ARRB1: variants seen among roughly 807,000 people sequenced by gnomAD.
ARRB1 encodes beta-arrestin-1.
In ARRB1, 21 loss-of-function variants were observed where a neutral mutation model predicts 56.8. That is an observed-to-expected ratio of 0.37 (90% CI 0.26 to 0.53). The LOEUF (loss-of-function observed/expected upper bound fraction) is 0.53, where lower values mean the gene tolerates loss of function less well. ARRB1 is among the 20% of genes least tolerant of loss of function. The probability of loss-of-function intolerance (pLI) is 0.88; values close to 1 mark genes in which losing one functional copy is unlikely to be tolerated. For missense variants in ARRB1, 424 were observed against 553.7 expected, an observed-to-expected ratio of 0.77 and a Z score of 2.35; for synonymous variants, 210 against 218.6, an observed-to-expected ratio of 0.96 and a Z score of 0.35.
chr11:75,270,057 C>T (rs533738383), intron 13 of ARRB1, among the ~76,000 whole-genome samples: 1 of 152,380 alleles, frequency 6.6e-6, no homozygotes, highest in South Asian at 2.1e-4. Context: ...AGGTCTGTTC[C>T]ACCAGCCTCG....
intron 9 of ARRB1, 79 bp downstream of exon 9, chr11:75,277,285 G>A: frequency 7.2e-7 from 1 of 1,382,994 alleles, no homozygotes; most frequent in Admixed American, 1.7e-5. Context: ...TGTTAACAAG[G>A]GGAGATACTT....
chr11:75,277,340 A>G (rs1340618220), intron 9 of ARRB1, 24 bp downstream of exon 9: 1 of 1,608,418 alleles, frequency 6.2e-7, no homozygotes, highest in Non-Finnish European at 8.5e-7. Context: ...GCTGTCCCCT[A>G]AGCTGACCCT....
At chr11:75,335,875 C>G (rs944943361) in intron 1 of ARRB1, among the ~76,000 whole-genome samples, 1 of 152,214 alleles carries the variant, frequency 6.6e-6, no homozygotes, top group Admixed American at 6.5e-5. Flanking sequence ...TGGAGGTGAG[C>G]AGGGCAAGCT....
At chr11:75,301,723 G>A (rs1003467803) in intron 1 of ARRB1, among the ~76,000 whole-genome samples, 6 of 152,256 alleles carry the variant, frequency 3.9e-5, no homozygotes, top group East Asian at 3.9e-4. Flanking sequence ...AGGTGGCAGC[G>A]GCTGCAGAGA....
intron 1 of ARRB1, chr11:75,303,692 C>T (rs1227790997): frequency 2.2e-6 from 1 of 456,144 alleles, no homozygotes. Context: ...GCAAGCCCTC[C>T]CTCAAAAGCA....
chr11:75,328,452 T>C (rs1947473595), intron 1 of ARRB1, among the ~76,000 whole-genome samples: 1 of 152,212 alleles, frequency 6.6e-6, no homozygotes, highest in Admixed American at 6.5e-5. Context: ...CAGTTGTTCA[T>C]CCCCATTCCC....
intron 1 of ARRB1, among the ~76,000 whole-genome samples, chr11:75,299,461 AG>A (rs1946844858): frequency 6.6e-6 from 1 of 151,732 alleles, no homozygotes; most frequent in Non-Finnish European, 1.5e-5. Flanking sequence ...AAAAAAAAAA[AG>A]TAAGTGAAGT....
chr11:75,313,067 C>G (rs1947195208), intron 1 of ARRB1, among the ~76,000 whole-genome samples: 1 of 152,210 alleles, frequency 6.6e-6, no homozygotes, highest in South Asian at 2.1e-4. Context: ...TCATAACTCC[C>G]TCAGGCCAGG....
intron 11 of ARRB1, among the ~76,000 whole-genome samples, chr11:75,273,756 A>C (rs1946128421): frequency 6.6e-6 from 1 of 152,146 alleles, no homozygotes; most frequent in Non-Finnish European, 1.5e-5. Flanking sequence ...ACCCCATCTG[A>C]CTGAAGGCAT....
intron 1 of ARRB1, among the ~76,000 whole-genome samples, chr11:75,341,441 A>G (rs1007943070): frequency 1.3e-5 from 2 of 152,164 alleles, no homozygotes; most frequent in African/African-American, 4.8e-5. Flanking sequence ...CCTGGCCGAC[A>G]ATGGCTTTTT....
At chr11:75,334,943 T>C (rs945153398) in intron 1 of ARRB1, 1 of 165,794 alleles carries the variant, frequency 6.0e-6, no homozygotes, top group Non-Finnish European at 1.5e-5. Flanking sequence ...TTTTTTTGTT[T>C]GTTTGTTTGT....
At chr11:75,278,585 C>A (rs745871559) in intron 8 of ARRB1, 24 bp downstream of exon 8, 6 of 1,613,580 alleles carry the variant, frequency 3.7e-6, no homozygotes, top group South Asian at 2.2e-5. Flanking sequence ...AGCCCCCACC[C>A]CCTGCCAAGT....
At chr11:75,267,765 G>A in intron 14 of ARRB1, 62 bp from the exon 15 acceptor site, 1 of 1,446,870 alleles carries the variant, frequency 6.9e-7, no homozygotes, top group South Asian at 1.2e-5. Context: ...CACGGGGCGA[G>A]TAAGCACAGG....
intron 1 of ARRB1, among the ~76,000 whole-genome samples, chr11:75,315,737 G>C (rs1283923919): frequency 6.6e-6 from 1 of 152,132 alleles, no homozygotes; most frequent in Non-Finnish European, 1.5e-5. Context: ...GAGACACCTG[G>C]TCACGGCTGG....
intron 12 of ARRB1, chr11:75,272,675 T>C: frequency 1.9e-6 from 1 of 520,982 alleles, no homozygotes; most frequent in East Asian, 3.2e-5. Context: ...AAGAGATGGG[T>C]GGGGGTAAGA....
chr11:75,277,575 C>T, intron 8 of ARRB1, 127 bp from the exon 9 acceptor site: 1 of 791,482 alleles, frequency 1.3e-6, no homozygotes, highest in Non-Finnish European at 2.1e-6. Flanking sequence ...TCAGAAGGGT[C>T]TGCTGCTCCC....
intron 1 of ARRB1, among the ~76,000 whole-genome samples, chr11:75,349,652 A>C (rs1180907564): frequency 6.6e-6 from 1 of 152,246 alleles, no homozygotes; most frequent in Non-Finnish European, 1.5e-5. Flanking sequence ...TATGCCCTGC[A>C]GGAAGAAAAG....
At chr11:75,310,139 G>T (rs941997856) in intron 1 of ARRB1, among the ~76,000 whole-genome samples, 1 of 152,294 alleles carries the variant, frequency 6.6e-6, no homozygotes, top group East Asian at 1.9e-4. Context: ...AAATCGATGT[G>T]GGGAGCAATG....
intron 1 of ARRB1, among the ~76,000 whole-genome samples, chr11:75,314,116 T>A (rs1198003378): frequency 6.6e-6 from 1 of 152,152 alleles, no homozygotes; most frequent in Non-Finnish European, 1.5e-5. Context: ...ACCAACTTCC[T>A]TCTCACTTCG....
Sources: gnomAD v4.1 joint callset for allele counts (sites outside exome capture counted in the v4.1 genomes callset) on GRCh38, gnomAD v4.1.1 for gene constraint, MANE v1.5 for transcripts, NCBI Gene and HGNC (gene_info 2026-07-23, HGNC 2026-07-21) for gene names.